The following CAMTA1 variants were observed in gnomAD, a reference collection of about 807,000 sequenced individuals.
CAMTA1 encodes calmodulin-binding transcription activator 1.
In CAMTA1, 27 loss-of-function variants were observed where a neutral mutation model predicts 170.9. The observed-to-expected ratio is 0.16, with a 90% confidence interval of 0.12 to 0.22. CAMTA1 has a LOEUF of 0.22. Ranked by LOEUF, CAMTA1 falls within the 10% of genes least tolerant of loss-of-function variation. The pLI is 1.00. For synonymous variants in CAMTA1, 833 were observed against 891.5 expected, an observed-to-expected ratio of 0.93 and a Z score of 1.17; for missense variants, 1,619 against 2,217.2, an observed-to-expected ratio of 0.73 and a Z score of 5.42.
At chr1:7,675,130 G>T (rs2096103270) in intron 10 of CAMTA1, among the ~76,000 whole-genome samples, 1 of 152,236 alleles carries the variant, frequency 6.6e-6, no homozygotes, top group African/African-American at 2.4e-5. Context: ...GATGGAGCCA[G>T]TCATGGGAAG....
At chr1:6,823,102 T>C (rs995275809) in intron 2 of CAMTA1, among the ~76,000 whole-genome samples, 1 of 151,860 alleles carries the variant, frequency 6.6e-6, no homozygotes, top group Non-Finnish European at 1.5e-5. Flanking sequence ...TTGAATTGAG[T>C]ATAGATTTTA....
chr1:7,183,802 T>C (rs1447063960), intron 4 of CAMTA1, among the ~76,000 whole-genome samples: 3 of 151,992 alleles, frequency 2.0e-5, no homozygotes, highest in Non-Finnish European at 4.4e-5. Context: ...CTGGTGAGAG[T>C]TGCACACTCT....
At chr1:7,314,936 C>T (rs534636526) in intron 5 of CAMTA1, among the ~76,000 whole-genome samples, 4 of 152,128 alleles carry the variant, frequency 2.6e-5, no homozygotes, top group Admixed American at 6.5e-5. Context: ...TTTTAATCAT[C>T]CTGGGACTGT....
intron 5 of CAMTA1, among the ~76,000 whole-genome samples, chr1:7,363,471 A>T (rs2085717380): frequency 6.6e-6 from 1 of 152,110 alleles, no homozygotes. Context: ...GTAGAACATC[A>T]TCTGTCAGCC....
rs879731888 is a variant in CAMTA1 at position 6,792,475 on chromosome 1, A to AT, written c.45+6911dup. Among the ~76,000 whole-genome samples the AT allele has an allele frequency of 3.9e-3, 564 of 144,860 alleles. 3 individuals carry two copies. The highest frequency in any genetic ancestry group is 8.0e-3 in the African/African-American group (314 of 39,454). Reference sequence around the variant, plus strand: ...TAAAGATTGGTACTGTTTCCTGAGCATTTTTTTTTTTACCTCATTACCCTG... The same window carrying AT: ...TAAAGATTGGTACTGTTTCCTGAGCATTTTTTTTTTTTACCTCATTACCCTG... On this transcript the variant is annotated intron_variant, in intron 1 of 22. Transcript: ENST00000303635.
chr1:7,398,521 G>A (rs1459057172), intron 5 of CAMTA1, among the ~76,000 whole-genome samples: 4 of 151,708 alleles, frequency 2.6e-5, no homozygotes, highest in Non-Finnish European at 4.4e-5. Flanking sequence ...ATCTCTTGTA[G>A]GCAGCACATA....
At chr1:7,153,566 A>G (rs1313205481) in intron 4 of CAMTA1, among the ~76,000 whole-genome samples, 1 of 151,974 alleles carries the variant, frequency 6.6e-6, no homozygotes. Context: ...ACACAAACCG[A>G]CGGGGACAAG....
intron 6 of CAMTA1, among the ~76,000 whole-genome samples, chr1:7,595,116 G>A (rs2095389423): frequency 6.6e-6 from 1 of 152,204 alleles, no homozygotes; most frequent in African/African-American, 2.4e-5. Flanking sequence ...AAGAAGAGGG[G>A]TCTTTCAGGA....
chr1:7,394,899 TGAGATGGA>T, intron 5 of CAMTA1, among the ~76,000 whole-genome samples: 1 of 150,568 alleles, frequency 6.6e-6, no homozygotes, highest in African/African-American at 2.4e-5. Context: ...TTTTGTTTTC[TGAGATGGA>T]GTTTCGCTCT....
At chr1:7,507,286 C>T (rs10864305) in intron 6 of CAMTA1, among the ~76,000 whole-genome samples, 42,229 of 152,080 alleles carry the variant, frequency 0.28, 7,193 homozygotes, top group Non-Finnish European at 0.37. Flanking sequence ...CTTTTGCACA[C>T]GGCTGCACAC....
intron 6 of CAMTA1, among the ~76,000 whole-genome samples, chr1:7,515,735 G>T (rs541354935): frequency 6.6e-6 from 1 of 152,092 alleles, no homozygotes; most frequent in African/African-American, 2.4e-5. Context: ...CTAACCTCTC[G>T]CGAGCCCTGG....
chr1:7,239,959 G>C (rs1288602268), intron 4 of CAMTA1, among the ~76,000 whole-genome samples: 1 of 152,064 alleles, frequency 6.6e-6, no homozygotes, highest in Non-Finnish European at 1.5e-5. Flanking sequence ...TCACTCCCAA[G>C]GTAATGACGT....
intron 3 of CAMTA1, among the ~76,000 whole-genome samples, chr1:7,077,164 C>A (rs903621043): frequency 1.3e-5 from 2 of 151,192 alleles, no homozygotes; most frequent in African/African-American, 4.9e-5. Context: ...TACTTGCTCC[C>A]TACTTTGGCT....
At chr1:6,788,644 G>T (rs1640126327) in intron 1 of CAMTA1, among the ~76,000 whole-genome samples, 1 of 152,132 alleles carries the variant, frequency 6.6e-6, no homozygotes, top group Non-Finnish European at 1.5e-5. Flanking sequence ...TGTAGACTCA[G>T]CGGAGTCATC....
intron 6 of CAMTA1, among the ~76,000 whole-genome samples, chr1:7,481,417 C>T (rs1374789391): frequency 6.6e-6 from 1 of 152,204 alleles, no homozygotes; most frequent in Non-Finnish European, 1.5e-5. Context: ...ATGCTCCTCC[C>T]TCTGACTGGA....
chr1:7,657,605 C>A (rs753339099), intron 7 of CAMTA1, among the ~76,000 whole-genome samples: 2 of 152,106 alleles, frequency 1.3e-5, no homozygotes, highest in Non-Finnish European at 2.9e-5. Flanking sequence ...TGGCTATTAA[C>A]CTTCCTTTCA....
intron 4 of CAMTA1, among the ~76,000 whole-genome samples, chr1:7,127,549 G>A (rs976488924): frequency 2.8e-4 from 43 of 152,104 alleles, no homozygotes; most frequent in African/African-American, 9.6e-4. Context: ...GATATGTGCC[G>A]GTCACCTTGC....
intron 3 of CAMTA1, among the ~76,000 whole-genome samples, chr1:6,897,319 A>G (rs1675857700): frequency 6.6e-6 from 1 of 152,210 alleles, no homozygotes; most frequent in Admixed American, 6.5e-5. Flanking sequence ...ATGTAAGCAC[A>G]GCAGATTGTG....
At chr1:7,290,558 T>A (rs1672978583) in intron 5 of CAMTA1, among the ~76,000 whole-genome samples, 1 of 152,190 alleles carries the variant, frequency 6.6e-6, no homozygotes. Context: ...CATTTCCAAA[T>A]TATGTGTTGC....
Sources: gnomAD v4.1 joint callset for allele counts (sites outside exome capture counted in the v4.1 genomes callset) on GRCh38, gnomAD v4.1.1 for gene constraint, MANE v1.5 for transcripts, NCBI Gene and HGNC (gene_info 2026-07-23, HGNC 2026-07-21) for gene names.